TNFSF8: variants seen among roughly 807,000 people sequenced by gnomAD.
TNFSF8 encodes tumor necrosis factor ligand superfamily member 8.
A neutral mutation model predicts 22.0 loss-of-function variants in TNFSF8; 4 were observed. That is an observed-to-expected ratio of 0.18 (90% confidence interval 0.09 to 0.42). TNFSF8 has a LOEUF of 0.42. TNFSF8 is among the 10% of genes least tolerant of loss of function. The pLI is 1.00. For missense variants in TNFSF8, 233 were observed against 281.8 expected (o/e 0.83, Z 1.24); for synonymous variants, 106 against 112.5 (o/e 0.94, Z 0.37).
chr9:114,918,055 G>T, intron 2 of TNFSF8, 41 bp downstream of exon 2: 1 of 1,557,744 alleles, frequency 6.4e-7, no homozygotes. Context: ...CATTTATCTA[G>T]ATGACTTACT....
rs1350644383 is a variant in TNFSF8 at position 114,927,998 on chromosome 9, G to C, written c.195+2111C>G. On this transcript the variant is annotated intron_variant, in intron 1 of 3. Coordinates refer to ENST00000223795, the MANE Select transcript of TNFSF8 (RefSeq NM_001244.4). ...TTTTTTCTTGTTAGGTCTTACAACA[G>C]TTAAGGTCTGAGGAATTTATTGAAA... Among the ~76,000 whole-genome samples the C allele has an allele frequency of 3.3e-5, 5 of 151,958 alleles. No homozygotes were observed. The South Asian group carries it at 1.0e-3, about 32-fold the overall frequency.
At chr9:114,894,139 A>G (rs1269291246) in exon 5 of TNFSF8, 1 of 1,535,094 alleles carries the variant, frequency 6.5e-7, no homozygotes, top group Non-Finnish European at 8.7e-7. Context: ...TAGAGTGTGA[A>G]TGGTGGAGGA....
chr9:114,920,611 T>C (rs1412913983), intron 1 of TNFSF8, among the ~76,000 whole-genome samples: 2 of 152,222 alleles, frequency 1.3e-5, no homozygotes, highest in African/African-American at 4.8e-5. Flanking sequence ...ATGAATCACC[T>C]GGGAGTCTCG....
intron 2 of TNFSF8, among the ~76,000 whole-genome samples, chr9:114,916,061 C>A (rs778537094): frequency 4.6e-5 from 7 of 152,056 alleles, no homozygotes; most frequent in Non-Finnish European, 1.0e-4. Context: ...ATTCAGAGAC[C>A]AATATGAAGT....
intron 1 of TNFSF8, among the ~76,000 whole-genome samples, chr9:114,925,980 G>A (rs72756583): frequency 0.011 from 1,738 of 151,620 alleles, 13 homozygotes; most frequent in Non-Finnish European, 0.018. Flanking sequence ...CTCTTGAGGA[G>A]ATAAGAGAAG....
chr9:114,901,502 G>A lies in TNFSF8; in HGVS notation c.*2429C>T, dbSNP rs944051513. 2.5e-5 allele frequency: 25 copies of A among 985,266 alleles called. No individual in the cohort carries two copies. The highest frequency in any genetic ancestry group is 2.3e-4 in the African/African-American group (13 of 57,232). The allele number at this position is 985,266 out of a possible 1,614,324, so 61.0% of individuals were successfully genotyped here. A position where few individuals can be genotyped will look rare whatever the true frequency, so the allele number is the denominator to read the frequency against. On this transcript the variant is annotated 3_prime_UTR_variant, in exon 4 of 4. Transcript: ENST00000223795. ...GAAAAATGAAAATGGAATCTTTCTC[G>A]AGTTAGAATGTGAGATGGCAAAAAA...
chr9:114,904,068 G>T lies in TNFSF8; in HGVS notation c.568C>A (p.Leu190Ile), dbSNP rs376230449. 1.2e-6 allele frequency: 2 copies of T among 1,614,134 alleles called. No homozygotes were observed. Among genetic ancestry groups the T allele is most frequent in the Non-Finnish European group, 1.7e-6 (2 of 1,179,988 alleles). The change falls in exon 4 of 4, where the codon CTC becomes ATC. Residue 190 changes from leucine (L) to isoleucine (I), a missense_variant. By Grantham distance (5) the Leu-to-Ile change is conservative. Coordinates refer to ENST00000223795, the MANE Select transcript of TNFSF8 (RefSeq NM_001244.4). The part of the protein sequence containing the change: ...GMQTKHVYQN[L>I]SQFLLDYLQV... ...AGGTAATCCAGCAAGAATTGAGAGA[G>T]ATTCTGGTATACGTGTTTCGTTTGC...
At chr9:114,917,182 T>C (rs1258112986) in intron 2 of TNFSF8, among the ~76,000 whole-genome samples, 1 of 152,240 alleles carries the variant, frequency 6.6e-6, no homozygotes, top group Non-Finnish European at 1.5e-5. Context: ...AAGGACACTC[T>C]TGTGCCACTA....
At chr9:114,923,522 C>CTTTCTTTCTTTG in intron 1 of TNFSF8, among the ~76,000 whole-genome samples, 1 of 89,746 alleles carries the variant, frequency 1.1e-5, no homozygotes, top group South Asian at 3.8e-4. Context: ...TTCTTTCTTT[C>CTTTCTTTCTTTG]TTTTTTTTTT....
At chr9:114,923,525 T>TCTTTCTTTCTTTC (rs1554778281) in intron 1 of TNFSF8, among the ~76,000 whole-genome samples, 57 of 134,600 alleles carry the variant, frequency 4.2e-4, no homozygotes, top group African/African-American at 1.3e-3. Context: ...TTTCTTTCTT[T>TCTTTCTTTCTTTC]TTTTTTTTTT....
At chr9:114,894,869 C>T (rs1432901843) in intron 4 of TNFSF8, among the ~76,000 whole-genome samples, 1 of 152,154 alleles carries the variant, frequency 6.6e-6, no homozygotes, top group Non-Finnish European at 1.5e-5. Context: ...AATGAAGCCT[C>T]CTTCAGTGTT....
intron 2 of TNFSF8, among the ~76,000 whole-genome samples, chr9:114,910,294 G>C (rs1827837199): frequency 6.6e-6 from 1 of 152,126 alleles, no homozygotes; most frequent in South Asian, 2.1e-4. Context: ...TCAAGATTAT[G>C]GAAACCTTAA....
Position 114,930,217 on chromosome 9 carries a change from G to T in TNFSF8, c.87C>A (p.Ser29Arg). Reference protein sequence around the residue: ...AMHVPAGSVASHLGTTSRSYF... With the variant: ...AMHVPAGSVARHLGTTSRSYF... Reference sequence around the variant, plus strand: ...AGCTGCGGCTCGTGGTCCCCAGGTGGCTGGCCACGGAGCCCGCCGGCACAT... The same window carrying T: ...AGCTGCGGCTCGTGGTCCCCAGGTGTCTGGCCACGGAGCCCGCCGGCACAT... The change falls in exon 1 of 4, where the codon AGC becomes AGA. Residue 29 changes from serine to arginine, a missense_variant. Physicochemically the swap from Ser to Arg is moderately radical, Grantham distance 110. Transcript: ENST00000223795. The T allele has an allele frequency of 2.5e-6, 4 of 1,607,582 alleles. No individual in the cohort carries two copies. The highest frequency in any genetic ancestry group is 3.4e-6 in the Non-Finnish European group (4 of 1,176,828).
intron 1 of TNFSF8, 116 bp downstream of exon 1, chr9:114,929,993 A>G: frequency 1.7e-6 from 1 of 572,076 alleles, no homozygotes; most frequent in Non-Finnish European, 2.8e-6. Flanking sequence ...GAGAGAGTTT[A>G]TTTATTTAAT....
At chr9:114,898,006 AT>A (rs34397268), downstream of TNFSF8, among the ~76,000 whole-genome samples, 78,013 of 144,586 alleles carry the variant, frequency 0.54, 21,829 homozygotes, top group African/African-American at 0.72. Context: ...AATGATGCCT[AT>A]TTTTTTTTTT....
At position 114,901,460 on chromosome 9, in the gene TNFSF8, C is replaced by T; in HGVS notation, c.*2471G>A. The stretch of plus-strand genomic sequence containing the variant: ...ACAGTGCAAAAGTCAGGTACCTCTG[C>T]TCAGAGAACAGTTGGTGAAAAATGA... On this transcript the variant is annotated 3_prime_UTR_variant, in exon 4 of 4. Transcript: ENST00000223795. 2 of 985,392 alleles carry T rather than the reference C, an allele frequency of 2.0e-6. No individual in the cohort carries two copies. Among genetic ancestry groups the T allele is most frequent in the Non-Finnish European group, 2.4e-6 (2 of 829,932 alleles). 61.0% of individuals were successfully genotyped at this position (985,392 alleles called of 1,614,324 possible). A position where few individuals can be genotyped will look rare whatever the true frequency, so the allele number is the denominator to read the frequency against.
chr9:114,918,122 G>A lies in TNFSF8; in HGVS notation c.212C>T (p.Ser71Leu). The A allele has an allele frequency of 1.2e-6, 2 of 1,608,046 alleles. No individual in the cohort carries two copies. The highest frequency in any genetic ancestry group is 2.2e-5 in the South Asian group (2 of 90,014). ...TCCTTTGAGGGGGACGTTGTCAGGTGAGTTGGGAATGGAGTCCTGGAAGAA... is the reference window on the plus strand; with the variant it reads ...TCCTTTGAGGGGGACGTTGTCAGGTAAGTTGGGAATGGAGTCCTGGAAGAA... The part of the protein sequence containing the change: ...VVQRTDSIPN[S>L]PDNVPLKGGN... The change falls in exon 2 of 4, where the codon TCA becomes TTA. Residue 71 changes from serine (S) to leucine (L), a missense_variant. Coordinates refer to ENST00000223795, the MANE Select transcript of TNFSF8 (RefSeq NM_001244.4).
At chr9:114,893,955 G>T in exon 5 of TNFSF8, 1 of 763,322 alleles carries the variant, frequency 1.3e-6, no homozygotes, top group Non-Finnish European at 2.2e-6. Flanking sequence ...GGGGTGAACC[G>T]TTTCCTGGCT....
chr9:114,901,777 A>G lies in TNFSF8; in HGVS notation c.*2154T>C. 1.0e-6 allele frequency: 1 copy of G among 983,902 alleles called. No individual in the cohort carries two copies. The highest frequency in any genetic ancestry group is 6.1e-5 in the Admixed American group (1 of 16,278). 60.9% of individuals were successfully genotyped at this position (983,902 alleles called of 1,614,324 possible). A position where few individuals can be genotyped will look rare whatever the true frequency, so the allele number is the denominator to read the frequency against. ...TACTCACAGAAAGAGTTAAAGAGAA[A>G]TGTAGACTTTACTAAATATTTCATA... is the stretch of plus-strand genomic sequence containing the variant. On this transcript the variant is annotated 3_prime_UTR_variant, in exon 4 of 4. Transcript: ENST00000223795.
Sources: allele counts gnomAD v4.1 joint callset (sites outside exome capture counted in the v4.1 genomes callset), GRCh38; gene constraint gnomAD v4.1.1; transcripts MANE v1.5; gene names NCBI Gene and HGNC (gene_info 2026-07-23, HGNC 2026-07-21).